The following RELN variants were observed in gnomAD, a reference collection of about 807,000 sequenced individuals.
The protein encoded by RELN is reelin.
In RELN, 108 loss-of-function variants were observed where a neutral mutation model predicts 427.6. That is an observed-to-expected ratio of 0.25 (90% CI 0.22 to 0.30). The LOEUF (loss-of-function observed/expected upper bound fraction) is 0.30, where lower values mean the gene tolerates loss of function less well. Ranked by LOEUF, RELN falls within the 10% of genes least tolerant of loss-of-function variation. RELN has a pLI of 1.00. For synonymous variants in RELN, 1,524 were observed against 1,513.4 expected (o/e 1.01, Z -0.16); for missense variants, 3,715 against 4,302.8 (o/e 0.86, Z 3.82).
rs1797185776 is a variant in RELN at position 103,989,615 on chromosome 7, TGCGCCGCCGC to T, written c.-269_-260del. ...GAGAGCGCGTCGTCTGCCGCCTCCGTGCGCCGCCGCCGCCTCTGCGCGACGCCCCTCGGCC... is the reference window on the plus strand; with the variant it reads ...GAGAGCGCGTCGTCTGCCGCCTCCGTCGCCTCTGCGCGACGCCCCTCGGCC... On this transcript the variant is annotated 5_prime_UTR_variant, in exon 1 of 65. Coordinates refer to ENST00000428762, the MANE Select transcript of RELN (RefSeq NM_005045.4). This position sits in a 1 kb window ranked among gnomAD's most constrained non-coding sequence, Gnocchi z 4.9. 3.2e-6 allele frequency: 1 copy of T among 313,248 alleles called. No individual in the cohort carries two copies. The highest frequency in any genetic ancestry group is 2.3e-5 in the African/African-American group (1 of 42,900). The allele number at this position is 313,248 out of a possible 1,614,324, so 19.4% of individuals were successfully genotyped here. A position where few individuals can be genotyped will look rare whatever the true frequency, so the allele number is the denominator to read the frequency against.
At chr7:103,926,337 A>G (rs868011417) in intron 1 of RELN, among the ~76,000 whole-genome samples, 11 of 151,766 alleles carry the variant, frequency 7.2e-5, no homozygotes, top group Non-Finnish European at 1.3e-4. Flanking sequence ...CTTGTGATCC[A>G]CCCACCTCAG....
chr7:103,500,985 C>T (rs1354587501), intron 52 of RELN, 63 bp from the exon 53 acceptor site: 2 of 1,439,290 alleles, frequency 1.4e-6, no homozygotes, highest in African/African-American at 1.4e-5. Flanking sequence ...GGTCCATTGT[C>T]CTGCATGTGT....
At chr7:103,715,352 A>G (rs1466836676) in intron 8 of RELN, among the ~76,000 whole-genome samples, 1 of 152,232 alleles carries the variant, frequency 6.6e-6, no homozygotes, top group Non-Finnish European at 1.5e-5. Flanking sequence ...TAATATATAG[A>G]AAAAGAACCA....
At chr7:103,767,781 T>C (rs1271225175) in intron 4 of RELN, among the ~76,000 whole-genome samples, 2 of 152,228 alleles carry the variant, frequency 1.3e-5, no homozygotes, top group African/African-American at 4.8e-5. Context: ...ATTTCCCAGA[T>C]AGTCACTGGG....
intron 41 of RELN, among the ~76,000 whole-genome samples, chr7:103,548,525 T>G (rs753368915): frequency 1.3e-5 from 2 of 152,174 alleles, no homozygotes; most frequent in Non-Finnish European, 2.9e-5. Flanking sequence ...TTAAGGCAAA[T>G]TTTTCTCTTC....
At chr7:103,803,133 C>T (rs1310153060) in intron 3 of RELN, among the ~76,000 whole-genome samples, 1 of 151,990 alleles carries the variant, frequency 6.6e-6, no homozygotes, top group Non-Finnish European at 1.5e-5. Flanking sequence ...TCCTTTCTTC[C>T]CCTAAAACCC....
intron 2 of RELN, among the ~76,000 whole-genome samples, chr7:103,889,328 A>G (rs2116585255): frequency 6.6e-6 from 1 of 152,336 alleles, no homozygotes; most frequent in Non-Finnish European, 1.5e-5. Flanking sequence ...AAGTTGGCCA[A>G]TTCTACCCAT....
chr7:103,900,381 T>C (rs1351315035), intron 2 of RELN, among the ~76,000 whole-genome samples: 1 of 152,062 alleles, frequency 6.6e-6, no homozygotes, highest in Non-Finnish European at 1.5e-5. Flanking sequence ...CCAAAGTAAT[T>C]TATAGATTCA....
intron 2 of RELN, among the ~76,000 whole-genome samples, chr7:103,852,675 G>T (rs1428015391): frequency 1.3e-5 from 2 of 150,528 alleles, no homozygotes; most frequent in African/African-American, 4.9e-5. Flanking sequence ...CTTTGTTTTT[G>T]TTGTTGTTGT....
At chr7:103,679,929 C>T (rs1318498637) in intron 11 of RELN, among the ~76,000 whole-genome samples, 1 of 152,008 alleles carries the variant, frequency 6.6e-6, no homozygotes, top group African/African-American at 2.4e-5. Flanking sequence ...TGTTTTTGTA[C>T]CAAGTCTCCA....
intron 12 of RELN, among the ~76,000 whole-genome samples, chr7:103,657,080 G>A (rs1056787350): frequency 6.6e-6 from 1 of 152,090 alleles, no homozygotes; most frequent in Non-Finnish European, 1.5e-5. Flanking sequence ...TTAGGCACAT[G>A]TAATTTGGCA....
chr7:103,712,969 G>GTTA (rs1324169112), intron 8 of RELN, among the ~76,000 whole-genome samples: 2 of 152,118 alleles, frequency 1.3e-5, no homozygotes, highest in Admixed American at 1.3e-4. Flanking sequence ...AGAAGCTACT[G>GTTA]TTATCTTGGG....
intron 16 of RELN, among the ~76,000 whole-genome samples, chr7:103,647,438 C>T (rs1287395352): frequency 6.6e-6 from 1 of 151,114 alleles, no homozygotes; most frequent in East Asian, 1.9e-4. Context: ...AAAATCAAGA[C>T]GTCAATCCCA....
chr7:103,509,059 C>T (rs1242517832), intron 51 of RELN, among the ~76,000 whole-genome samples: 1 of 152,128 alleles, frequency 6.6e-6, no homozygotes, highest in Non-Finnish European at 1.5e-5. Flanking sequence ...GAACCAATAT[C>T]GTGAAAATGG....
rs772921952 is a variant in RELN at position 103,557,057 on chromosome 7, A to G, written c.5717T>C (p.Ile1906Thr). 1.2e-5 allele frequency: 19 copies of G among 1,613,574 alleles called. No homozygotes were observed. The highest frequency in any genetic ancestry group is 7.7e-5 in the South Asian group (7 of 91,078). ...DEFYFPQTTN[I>T]LFINVPLPYT... ...TGGCAAGGGAACATTGATGAAAAGT[A>G]TATTCGTTGTTTGAGGAAAGTAAAA... is the stretch of plus-strand genomic sequence containing the variant. Residue 1906 changes from isoleucine (I) to threonine (T), a missense_variant, in exon 38 of 65, where the codon ATA becomes ACA. This residue lies in a region of RELN where 2,208 missense variants were observed against 2,361.7 expected (regional missense o/e 0.93). Transcript: ENST00000428762.
intron 4 of RELN, among the ~76,000 whole-genome samples, chr7:103,774,386 T>A (rs903174103): frequency 1.6e-4 from 25 of 152,280 alleles, no homozygotes; most frequent in African/African-American, 4.8e-4. Context: ...TGAGTACATT[T>A]TCTAATCCTT....
At chr7:103,622,087 A>T (rs1435627167) in intron 20 of RELN, among the ~76,000 whole-genome samples, 1 of 152,202 alleles carries the variant, frequency 6.6e-6, no homozygotes, top group Non-Finnish European at 1.5e-5. Flanking sequence ...AAGAAGCACA[A>T]ATCTAAACCA....
intron 2 of RELN, among the ~76,000 whole-genome samples, chr7:103,888,755 CAGA>C (rs1296016709): frequency 6.6e-6 from 1 of 152,166 alleles, no homozygotes; most frequent in African/African-American, 2.4e-5. Context: ...TGCACCAAAG[CAGA>C]AGACTTGGCA....
chr7:103,551,904 C>G (rs1235936039), intron 40 of RELN, among the ~76,000 whole-genome samples: 1 of 151,614 alleles, frequency 6.6e-6, no homozygotes, highest in Non-Finnish European at 1.5e-5. Flanking sequence ...ACCTATCTAT[C>G]ACCTTCCATA....
Sources: allele counts gnomAD v4.1 joint callset (sites outside exome capture counted in the v4.1 genomes callset), GRCh38; gene constraint gnomAD v4.1.1; regional missense constraint gnomAD v4.1.1; non-coding constraint Gnocchi (gnomAD v3.1); transcripts MANE v1.5; gene names NCBI Gene and HGNC (gene_info 2026-07-23, HGNC 2026-07-21).